NKAIN3: variants seen among roughly 807,000 people sequenced by gnomAD.
The protein encoded by NKAIN3 is sodium/potassium-transporting ATPase subunit beta-1-interacting protein 3.
A neutral mutation model predicts 30.2 loss-of-function variants in NKAIN3; 25 were observed. That is an observed-to-expected ratio of 0.83 (90% CI 0.60 to 1.16). NKAIN3 has a LOEUF of 1.16. Among genes scored for constraint, NKAIN3 ranks in the 50% most tolerant of loss-of-function variants. The pLI, the probability that NKAIN3 is intolerant of heterozygous loss-of-function variation, is 0.00. For missense variants in NKAIN3, 225 were observed against 254.1 expected, an observed-to-expected ratio of 0.89 and a Z score of 0.78; for synonymous variants, 91 against 89.6, an observed-to-expected ratio of 1.02 and a Z score of -0.09.
intron 1 of NKAIN3, among the ~76,000 whole-genome samples, chr8:62,423,697 A>C (rs1461447703): frequency 6.6e-6 from 1 of 151,844 alleles, no homozygotes; most frequent in East Asian, 1.9e-4. Flanking sequence ...ACTTTTTCTC[A>C]ATTCTCCTGA....
At chr8:62,742,609 A>G (rs891174942) in intron 3 of NKAIN3, among the ~76,000 whole-genome samples, 6 of 152,244 alleles carry the variant, frequency 3.9e-5, no homozygotes, top group African/African-American at 1.4e-4. Flanking sequence ...GACAAAAGCA[A>G]AGACACCAGT....
chr8:62,979,698 C>G lies in NKAIN3; in HGVS notation c.*14291C>G. On this transcript the variant is annotated 3_prime_UTR_variant, in exon 7 of 7. Coordinates refer to ENST00000623646, the MANE Select transcript of NKAIN3 (RefSeq NM_001304533.3). ...AGTTACAGTGGTTTTGCTTCATGTC[C>G]CATCCCACTGGGGCTGCTATGCAAG... The G allele has an allele frequency of 6.6e-6, 1 of 152,228 alleles. No homozygotes were observed. The highest frequency in any genetic ancestry group is 1.9e-4 in the East Asian group (1 of 5,196). 9.4% of individuals were successfully genotyped at this position (152,228 alleles called of 1,614,324 possible). A position where few individuals can be genotyped will look rare whatever the true frequency, so the allele number is the denominator to read the frequency against.
chr8:62,935,117 G>T (rs1822743866), intron 5 of NKAIN3, among the ~76,000 whole-genome samples: 1 of 152,102 alleles, frequency 6.6e-6, no homozygotes, highest in Non-Finnish European at 1.5e-5. Flanking sequence ...GCACACTAAT[G>T]AATTTTCCCT....
At chr8:62,595,259 C>T (rs558997260) in intron 3 of NKAIN3, among the ~76,000 whole-genome samples, 2 of 151,860 alleles carry the variant, frequency 1.3e-5, no homozygotes, top group African/African-American at 4.8e-5. Flanking sequence ...TTAAACGCTT[C>T]TGATACATTT....
At chr8:62,325,146 C>T (rs1393814142) in intron 1 of NKAIN3, among the ~76,000 whole-genome samples, 2 of 152,038 alleles carry the variant, frequency 1.3e-5, no homozygotes, top group Non-Finnish European at 2.9e-5. Context: ...CAACCTTCAC[C>T]CTGAGTCCCC....
intron 4 of NKAIN3, chr8:62,863,744 T>C (rs1159270543): frequency 5.0e-6 from 8 of 1,598,882 alleles, no homozygotes; most frequent in Non-Finnish European, 5.1e-6. Context: ...AACAAATCTT[T>C]TCCCCTACAT....
intron 1 of NKAIN3, among the ~76,000 whole-genome samples, chr8:62,468,526 A>G (rs1035225119): frequency 5.9e-5 from 9 of 152,238 alleles, no homozygotes; most frequent in South Asian, 2.1e-4. Context: ...AAATGGCAGC[A>G]CATTTGCTGT....
intron 3 of NKAIN3, among the ~76,000 whole-genome samples, chr8:62,619,098 G>T (rs995862496): frequency 6.6e-6 from 1 of 152,124 alleles, no homozygotes; most frequent in Non-Finnish European, 1.5e-5. Context: ...CCAGTGCAGT[G>T]TAACAGGTGA....
At chr8:62,575,353 G>GTAATCC (rs1810076304) in intron 1 of NKAIN3, among the ~76,000 whole-genome samples, 1 of 151,958 alleles carries the variant, frequency 6.6e-6, no homozygotes, top group Non-Finnish European at 1.5e-5. Context: ...AACCCAGAAA[G>GTAATCC]TAATCCCATT....
At chr8:62,560,269 A>C (rs1284510258) in intron 1 of NKAIN3, among the ~76,000 whole-genome samples, 1 of 151,974 alleles carries the variant, frequency 6.6e-6, no homozygotes, top group Non-Finnish European at 1.5e-5. Flanking sequence ...TCTTGTCAAG[A>C]TTTACTCATC....
chr8:62,389,982 GAACAAGTCACCTGTGTAGATATATGT>G (rs1404290717), intron 1 of NKAIN3, among the ~76,000 whole-genome samples: 2 of 152,112 alleles, frequency 1.3e-5, no homozygotes, highest in African/African-American at 4.8e-5. Context: ...ACAGTCTTGG[GAACAAGTCACCTGTGTAGATATATGT>G]AACTTTTTCT....
intron 1 of NKAIN3, among the ~76,000 whole-genome samples, chr8:62,282,899 A>G (rs1029237230): frequency 3.3e-5 from 5 of 152,018 alleles, no homozygotes; most frequent in Admixed American, 2.0e-4. Flanking sequence ...TCTCCTCATT[A>G]CTGTACTATG....
chr8:62,366,223 CTTTTTT>C (rs71255329), intron 1 of NKAIN3, among the ~76,000 whole-genome samples: 18 of 129,578 alleles, frequency 1.4e-4, no homozygotes, highest in Admixed American at 1.5e-4. Flanking sequence ...ATTCTGTTTC[CTTTTTT>C]TTTTTTTTTT....
intron 1 of NKAIN3, among the ~76,000 whole-genome samples, chr8:62,271,827 T>G (rs552123718): frequency 7.3e-4 from 111 of 152,294 alleles, no homozygotes; most frequent in African/African-American, 2.6e-3. Flanking sequence ...TTCCTCAGCT[T>G]TATTATCCAC....
At chr8:62,417,152 G>A (rs1253131308) in intron 1 of NKAIN3, among the ~76,000 whole-genome samples, 1 of 151,442 alleles carries the variant, frequency 6.6e-6, no homozygotes, top group Non-Finnish European at 1.5e-5. Context: ...GATAACCATC[G>A]TTCTGCTCTC....
At chr8:62,790,688 A>G (rs1035585159) in intron 4 of NKAIN3, among the ~76,000 whole-genome samples, 3 of 147,214 alleles carry the variant, frequency 2.0e-5, no homozygotes, top group African/African-American at 5.1e-5. Context: ...GTTTCCAGGC[A>G]CTGGGGATAC....
At chr8:62,673,806 G>A (rs1586075595) in intron 3 of NKAIN3, among the ~76,000 whole-genome samples, 1 of 152,166 alleles carries the variant, frequency 6.6e-6, no homozygotes, top group Admixed American at 6.5e-5. Context: ...AACAGGAAAA[G>A]TACAGTAAAA....
chr8:62,739,357 T>C (rs142627653), intron 3 of NKAIN3, among the ~76,000 whole-genome samples: 5 of 152,300 alleles, frequency 3.3e-5, no homozygotes, highest in Middle Eastern at 3.4e-3. Context: ...CCTCATAAAC[T>C]TTTTGTATAG....
intron 1 of NKAIN3, among the ~76,000 whole-genome samples, chr8:62,413,927 C>G (rs1259143982): frequency 6.6e-6 from 1 of 151,754 alleles, no homozygotes; most frequent in Non-Finnish European, 1.5e-5. Flanking sequence ...TAAACTGTTT[C>G]TCATTAATAT....
Sources: allele counts gnomAD v4.1 joint callset (sites outside exome capture counted in the v4.1 genomes callset), GRCh38; gene constraint gnomAD v4.1.1; transcripts MANE v1.5; gene names NCBI Gene and HGNC (gene_info 2026-07-23, HGNC 2026-07-21).